The following SPATA31C2 variants were observed in gnomAD, a reference collection of about 807,000 sequenced individuals.
SPATA31C2 encodes the protein SPATA31 subfamily C member 2.
In SPATA31C2, 5 loss-of-function variants were observed where a neutral mutation model predicts 11.4. The observed-to-expected ratio is 0.44, with a 90% CI of 0.23 to 0.92. The LOEUF is 0.92. Among genes scored for constraint, SPATA31C2 ranks in the 40% least tolerant of loss-of-function variants. The probability of loss-of-function intolerance (pLI) is 0.24; values close to 1 mark genes in which losing one functional copy is unlikely to be tolerated. For missense variants in SPATA31C2, 1,353 were observed against 1,368.6 expected, an observed-to-expected ratio of 0.99 and a Z score of 0.18; for synonymous variants, 515 against 538.7, an observed-to-expected ratio of 0.96 and a Z score of 0.61.
Position 88,131,893 on chromosome 9 carries a change from A to G in SPATA31C2, c.1144T>C (p.Ser382Pro). ...MKNTGVACPA[S>P]QNKVQALSLP... ...GAGAGAGCTTGCACTTTATTCTGCG[A>G]CGCAGGGCAAGCTACTCCAGTGTTC... is the stretch of plus-strand genomic sequence containing the variant. The change falls in exon 4 of 4, where the codon TCG becomes CCG. Residue 382 changes from serine to proline, a missense_variant. Around this residue, in one of 6 missense-constraint regions of SPATA31C2, gnomAD observed 1,075 missense variants for 992.8 expected, o/e 1.08. Coordinates refer to ENST00000324915, the MANE Select transcript of SPATA31C2 (RefSeq NM_001350978.3). The G allele has an allele frequency of 4.3e-6, 7 of 1,610,422 alleles. No homozygotes were observed. Among genetic ancestry groups the G allele is most frequent in the African/African-American group, 1.3e-5 (1 of 74,928 alleles).
At chr9:88,132,846 T>C in intron 3 of SPATA31C2, 120 bp downstream of exon 3, 1 of 1,295,076 alleles carries the variant, frequency 7.7e-7, no homozygotes, top group Non-Finnish European at 1.0e-6. Context: ...GCCCCAGGGC[T>C]TTACTCCCAT....
chr9:88,129,898 C>T lies in SPATA31C2; in HGVS notation c.3139G>A (p.Gly1047Ser), dbSNP rs751411021. Residue 1047 changes from glycine (G) to serine (S), a missense_variant, in exon 4 of 4, where the codon GGC becomes AGC. Gly to Ser is a moderately conservative substitution (Grantham distance 56). Transcript: ENST00000324915. ...AGCCTCTCAGCTTCAGCACTGCTGC[C>T]GTACACGCATGATCTGTTTTTTACT... ...KTVKNRSCVY[G>S]SSAEAERLMT... is the part of the protein sequence containing the mutation. 182 of 1,605,928 alleles carry T rather than the reference C, an allele frequency of 1.1e-4. No individual in the cohort carries two copies. The highest frequency in any genetic ancestry group is 1.7e-4 in the Middle Eastern group (1 of 6,008).
chr9:88,137,993 T>TCCCCC, intron 1 of SPATA31C2, among the ~76,000 whole-genome samples: 1 of 102,988 alleles, frequency 9.7e-6, no homozygotes, highest in East Asian at 1.1e-3. Context: ...TGACCGGTCC[T>TCCCCC]GGCCGCTGAG....
intron 1 of SPATA31C2, chr9:88,134,794 GT>G: frequency 1.3e-6 from 2 of 1,590,836 alleles, no homozygotes; most frequent in Middle Eastern, 2.3e-4. Context: ...GATGGTGAGG[GT>G]GGGTTGTCAC....
Position 88,130,104 on chromosome 9 carries a change from TGAG to T in SPATA31C2, c.2930_2932del (p.Pro977del), listed in dbSNP as rs1825561122. On this transcript the variant is annotated inframe_deletion, in exon 4 of 4. Transcript: ENST00000324915. The stretch of plus-strand genomic sequence containing the variant: ...TTCTGTTTTCCTGCCTGGGGTAAGT[TGAG>T]GAGTCCTCAATCCTTGAAACATTTC... 3 of 1,607,680 alleles carry T rather than the reference TGAG, an allele frequency of 1.9e-6. No individual in the cohort carries two copies. The African/African-American group carries it at 4.0e-5, about 21-fold the overall frequency.
chr9:88,129,740 C>A lies in SPATA31C2; in HGVS notation c.3297G>T (p.Pro1099=). The A allele has an allele frequency of 1.2e-6, 2 of 1,603,670 alleles. No individual in the cohort carries two copies. Among genetic ancestry groups the A allele is most frequent in the Non-Finnish European group, 1.7e-6 (2 of 1,173,456 alleles). Residue 1099 remains proline (P), a synonymous_variant, in exon 4 of 4, where the codon CCG becomes CCT. Transcript: ENST00000324915. ...VCGFPCNHRH[P]FYSEHSRMLS... ...GCATTCTGCTGTGTTCTGAGTAGAA[C>A]GGGTGTCTGTGGTTGCAGGGAAACC...
chr9:88,131,410 T>G lies in SPATA31C2; in HGVS notation c.1627A>C (p.Thr543Pro). The G allele has an allele frequency of 3.1e-6, 5 of 1,611,898 alleles. No homozygotes were observed. The highest frequency in any genetic ancestry group is 4.2e-6 in the Non-Finnish European group (5 of 1,179,848). The change falls in exon 4 of 4, where the codon ACC becomes CCC. Residue 543 changes from threonine (T) to proline (P), a missense_variant. This residue lies in a region of SPATA31C2 where 1,075 missense variants were observed against 992.8 expected (regional missense o/e 1.08). Coordinates refer to ENST00000324915, the MANE Select transcript of SPATA31C2 (RefSeq NM_001350978.3). ...ESFPGKVLGA[T>P]SEESERNLRK... ...AGGTTCCTTTCCGACTCCTCAGAGG[T>G]CGCCCCCAGAACCTTCCCTGGGAAG...
Position 88,129,958 on chromosome 9 carries a change from T to G in SPATA31C2, c.3079A>C (p.Lys1027Gln), listed in dbSNP as rs540952143. The G allele has an allele frequency of 7.1e-5, 114 of 1,608,172 alleles. No individual in the cohort carries two copies. In the East Asian group the frequency reaches 2.5e-3, roughly 35 times the overall value. ...CTCTCAGCAGTGACTGGTGCTGGCT[T>G]CCTTTCTTTCTTTGAAAAAATCGTC... ...FQTIFSKKER[K>Q]PAPVTAESQK... is the part of the protein sequence containing the mutation. Residue 1027 changes from lysine (K) to glutamine (Q), a missense_variant, in exon 4 of 4, where the codon AAG (lysine) becomes CAG (glutamine). Lys to Gln is a moderately conservative substitution (Grantham distance 53). Coordinates refer to ENST00000324915, the MANE Select transcript of SPATA31C2 (RefSeq NM_001350978.3).
In SPATA31C2 at chr9:88,130,333, C is replaced by T. The variant is rs747054984; in HGVS notation, c.2704G>A (p.Gly902Ser). 201 of 1,609,802 alleles carry T rather than the reference C, an allele frequency of 1.2e-4. 5 individuals are homozygous for T. The East Asian group carries it at 4.4e-3, about 35-fold the overall frequency. ...CCAGTAGGCATGCTCTGGAGATGGC[C>T]CTGGGGCACTTGAGAAGCCAAATTC... ...SENLASQVPQ[G>S]HLQSMPTGNM... Residue 902 changes from glycine to serine, a missense_variant, in exon 4 of 4, where the codon GGC (glycine) becomes AGC (serine). Gly to Ser is a moderately conservative substitution (Grantham distance 56). Transcript: ENST00000324915.
At position 88,131,643 on chromosome 9, in the gene SPATA31C2, T is replaced by C. The variant is rs1825597243; in HGVS notation, c.1394A>G (p.Glu465Gly). The C allele has an allele frequency of 6.2e-7, 1 of 1,612,014 alleles. No individual in the cohort carries two copies. The highest frequency in any genetic ancestry group is 8.5e-7 in the Non-Finnish European group (1 of 1,179,868). The change falls in exon 4 of 4, where the codon GAG becomes GGG. Residue 465 changes from glutamate (E) to glycine (G), a missense_variant. Glu to Gly is a moderately conservative substitution (Grantham distance 98). This residue lies in a region of SPATA31C2 where 1,075 missense variants were observed against 992.8 expected (regional missense o/e 1.08). Transcript: ENST00000324915. Reference sequence around the variant, plus strand: ...CTGAAGCTGCATCAGATCCAGAGACTCTTGGATCCTTCCACGTTGCCCCAT... The same window carrying C: ...CTGAAGCTGCATCAGATCCAGAGACCCTTGGATCCTTCCACGTTGCCCCAT... The part of the protein sequence containing the change: ...QHMGQRGRIQ[E>G]SLDLMQLQDE...
chr9:88,129,776 G>C lies in SPATA31C2; in HGVS notation c.3261C>G (p.Ala1087=), dbSNP rs1354609956. 6.2e-7 allele frequency: 1 copy of C among 1,604,096 alleles called. No homozygotes were observed. The highest frequency in any genetic ancestry group is 1.1e-5 in the South Asian group (1 of 90,938). The change falls in exon 4 of 4, where the codon GCC becomes GCG. Residue 1087 remains alanine, a synonymous_variant. Coordinates refer to ENST00000324915, the MANE Select transcript of SPATA31C2 (RefSeq NM_001350978.3). ...KVNQQRQQFQ[A]PVCGFPCNHR... ...GGTTGCAGGGAAACCCACAGACTGGGGCTTGAAACTGCTGTCTTTGCTGAT... is the reference window on the plus strand; with the variant it reads ...GGTTGCAGGGAAACCCACAGACTGGCGCTTGAAACTGCTGTCTTTGCTGAT...
rs1191179751 is a variant in SPATA31C2 at position 88,132,329 on chromosome 9, C to T, written c.708G>A (p.Arg236=). ...PPKGFTPPPL[R]DSTLLTPSHC... ...GAGATGGTGTTAACAGAGTGGAGTC[C>T]CGCAGGGGAGGAGGAGTGAAGCCTT... The change falls in exon 4 of 4, where the codon CGG becomes CGA. Residue 236 remains arginine (R), a synonymous_variant. Coordinates refer to ENST00000324915, the MANE Select transcript of SPATA31C2 (RefSeq NM_001350978.3). 1 of 1,610,884 alleles carries T rather than the reference C, an allele frequency of 6.2e-7. No homozygotes were observed. The highest frequency in any genetic ancestry group is 8.5e-7 in the Non-Finnish European group (1 of 1,177,864).
chr9:88,131,418 A>C lies in SPATA31C2; in HGVS notation c.1619T>G (p.Leu540Arg). Residue 540 changes from leucine (L) to arginine (R), a missense_variant, in exon 4 of 4, where the codon CTG becomes CGG. Physicochemically the swap from Leu to Arg is moderately radical, Grantham distance 102. Around this residue, in one of 6 missense-constraint regions of SPATA31C2, gnomAD observed 1,075 missense variants for 992.8 expected, o/e 1.08. Coordinates refer to ENST00000324915, the MANE Select transcript of SPATA31C2 (RefSeq NM_001350978.3). Reference protein sequence around the residue: ...RGMESFPGKVLGATSEESERN... With the variant: ...RGMESFPGKVRGATSEESERN... ...TTCCGACTCCTCAGAGGTCGCCCCC[A>C]GAACCTTCCCTGGGAAGCTTTCCAT... The C allele has an allele frequency of 4.3e-6, 7 of 1,611,928 alleles. No homozygotes were observed. The highest frequency in any genetic ancestry group is 5.9e-6 in the Non-Finnish European group (7 of 1,179,848).
chr9:88,130,095 G>A lies in SPATA31C2; in HGVS notation c.2942C>T (p.Pro981Leu), dbSNP rs1446079210. ...FQGLRTPQLTPGRKTEDTRQN... is the reference protein window; with the variant it reads ...FQGLRTPQLTLGRKTEDTRQN... ...ACGGGTGTCTTCTGTTTTCCTGCCTGGGGTAAGTTGAGGAGTCCTCAATCC... is the reference window on the plus strand; with the variant it reads ...ACGGGTGTCTTCTGTTTTCCTGCCTAGGGTAAGTTGAGGAGTCCTCAATCC... Residue 981 changes from proline to leucine, a missense_variant, in exon 4 of 4, where the codon CCA becomes CTA. This residue lies in a region of SPATA31C2 where 187 missense variants were observed against 205.8 expected (regional missense o/e 0.91). Coordinates refer to ENST00000324915, the MANE Select transcript of SPATA31C2 (RefSeq NM_001350978.3). 2 of 1,606,994 alleles carry A rather than the reference G, an allele frequency of 1.2e-6. No individual in the cohort carries two copies. Among genetic ancestry groups the A allele is most frequent in the Admixed American group, 1.7e-5 (1 of 59,696 alleles).
At chr9:88,135,521 T>A (rs1233684468) in intron 1 of SPATA31C2, among the ~76,000 whole-genome samples, 8 of 129,988 alleles carry the variant, frequency 6.2e-5, no homozygotes, top group East Asian at 3.0e-4. Context: ...TTATTTTTTT[T>A]ATTTTTTTGA....
At chr9:88,134,103 C>T (rs532735008) in intron 1 of SPATA31C2, among the ~76,000 whole-genome samples, 5 of 149,228 alleles carry the variant, frequency 3.4e-5, no homozygotes, top group South Asian at 4.4e-4. Context: ...GGCACTGAGC[C>T]GGTATCGCTC....
In SPATA31C2 at chr9:88,130,033, G is replaced by C. The variant is rs745553316; in HGVS notation, c.3004C>G (p.Gln1002Glu). Residue 1002 changes from glutamine to glutamate, a missense_variant, in exon 4 of 4, where the codon CAG becomes GAG. Physicochemically the swap from Gln to Glu is conservative, Grantham distance 29. Transcript: ENST00000324915. Reference sequence around the variant, plus strand: ...CCAAAGTGGCTTATTGAAGGAGGCTGTTTCTTTGATGGCAGTAGCTGGACG... The same window carrying C: ...CCAAAGTGGCTTATTGAAGGAGGCTCTTTCTTTGATGGCAGTAGCTGGACG... ...EGVQLLPSKK[Q>E]PPSISHFGEN... 1.9e-6 allele frequency: 3 copies of C among 1,608,868 alleles called. No individual in the cohort carries two copies. The highest frequency in any genetic ancestry group is 2.7e-5 in the African/African-American group (2 of 74,946).
chr9:88,132,241 A>G lies in SPATA31C2; in HGVS notation c.796T>C (p.Leu266=), dbSNP rs763904815. The G allele has an allele frequency of 9.3e-6, 15 of 1,610,762 alleles. No homozygotes were observed. The highest frequency in any genetic ancestry group is 1.3e-5 in the Non-Finnish European group (15 of 1,177,698). The change falls in exon 4 of 4, where the codon TTG becomes CTG. Residue 266 remains leucine (L), a synonymous_variant. Coordinates refer to ENST00000324915, the MANE Select transcript of SPATA31C2 (RefSeq NM_001350978.3). ...VPQSLSPRED[L]AASVPGISGL... is the part of the protein sequence containing the mutation. Reference sequence around the variant, plus strand: ...GAGATGCCTGGGACAGAAGCCGCCAAATCCTCACGTGGAGACAAGCTTTGA... The same window carrying G: ...GAGATGCCTGGGACAGAAGCCGCCAGATCCTCACGTGGAGACAAGCTTTGA...
At position 88,132,508 on chromosome 9, in the gene SPATA31C2, G is replaced by A. The variant is rs1469679278; in HGVS notation, c.529C>T (p.Pro177Ser). ...GAGACTGAGGTGGTCATTGGGCCTG[G>A]TGGTGGGGTGGAGGCCAGATCCTGA... ...HPQDLASTPPPGPMTTSVSSL... is the reference protein window; with the variant it reads ...HPQDLASTPPSGPMTTSVSSL... The change falls in exon 4 of 4, where the codon CCA becomes TCA. Residue 177 changes from proline to serine, a missense_variant. Physicochemically the swap from Pro to Ser is moderately conservative, Grantham distance 74 (BLOSUM62 -1). Coordinates refer to ENST00000324915, the MANE Select transcript of SPATA31C2 (RefSeq NM_001350978.3). 1.2e-6 allele frequency: 2 copies of A among 1,610,892 alleles called. No homozygotes were observed. The highest frequency in any genetic ancestry group is 8.5e-7 in the Non-Finnish European group (1 of 1,177,916).
Sources: allele counts gnomAD v4.1 joint callset (sites outside exome capture counted in the v4.1 genomes callset), GRCh38; gene constraint gnomAD v4.1.1; regional missense constraint gnomAD v4.1.1; transcripts MANE v1.5; gene names NCBI Gene and HGNC (gene_info 2026-07-23, HGNC 2026-07-21).